SEZ6: variants seen among roughly 807,000 people sequenced by gnomAD.
The protein encoded by SEZ6 is seizure related 6 homolog, also known as seizure protein 6 homolog.
SEZ6 carries 53 observed loss-of-function variants against 101.0 expected under a neutral mutation model. That is an observed-to-expected ratio of 0.52 (90% CI 0.42 to 0.66). The LOEUF (loss-of-function observed/expected upper bound fraction) is 0.66, where lower values mean the gene tolerates loss of function less well. Among genes scored for constraint, SEZ6 ranks in the 30% least tolerant of loss-of-function variants. The pLI, the probability that SEZ6 is intolerant of heterozygous loss-of-function variation, is 0.00. For missense variants in SEZ6, 1,102 were observed against 1,289.4 expected (o/e 0.85, Z 2.23); for synonymous variants, 488 against 512.2 (o/e 0.95, Z 0.64).
chr17:28,975,091 C>T (rs976990375), intron 3 of SEZ6, among the ~76,000 whole-genome samples: 5 of 152,218 alleles, frequency 3.3e-5, no homozygotes, highest in African/African-American at 1.2e-4. Context: ...AGTCATCTTT[C>T]CATTTAATGG....
At position 29,005,477 on chromosome 17, in the gene SEZ6, C is replaced by T. The variant is rs2041675412; in HGVS notation, c.55+338G>A. ...GCCCCCCGGCACGCGCCCCAGCACC[C>T]TGAGATGCCTAGAGTGTGGCGAGGT... On this transcript the variant is annotated intron_variant, in intron 1 of 16. Coordinates refer to ENST00000317338, the MANE Select transcript of SEZ6 (RefSeq NM_178860.5). The surrounding 1 kb of genome is among the most constrained non-coding windows in gnomAD (Gnocchi z 4.8). Among the ~76,000 whole-genome samples, 1 of 152,210 alleles carries T rather than the reference C, an allele frequency of 6.6e-6. No homozygotes were observed. The highest frequency in any genetic ancestry group is 2.4e-5 in the African/African-American group (1 of 41,472).
At chr17:28,977,928 C>A (rs2041246308) in intron 3 of SEZ6, among the ~76,000 whole-genome samples, 1 of 152,134 alleles carries the variant, frequency 6.6e-6, no homozygotes, top group South Asian at 2.1e-4. Flanking sequence ...AATTACCCTC[C>A]CAGTCAGCCC....
intron 3 of SEZ6, among the ~76,000 whole-genome samples, chr17:28,974,054 C>T (rs1159050600): frequency 6.6e-6 from 1 of 152,194 alleles, no homozygotes; most frequent in African/African-American, 2.4e-5. Flanking sequence ...CAACCTCTAG[C>T]TCAACAGCCT....
At chr17:28,968,685 C>G (rs567496928) in intron 4 of SEZ6, among the ~76,000 whole-genome samples, 2 of 152,238 alleles carry the variant, frequency 1.3e-5, no homozygotes, top group South Asian at 4.1e-4. Context: ...GTGAGTGCTC[C>G]TTAGGTGGGG....
In SEZ6 at chr17:28,958,091, A is replaced by G. The variant is rs540459411; in HGVS notation, c.2158T>C (p.Trp720Arg). Reference sequence around the variant, plus strand: ...AGCTCAGGCTGCGATGGGCTCTTCCAGCCATTGGGGATCTCAGGCAGCTCC... The same window carrying G: ...AGCTCAGGCTGCGATGGGCTCTTCCGGCCATTGGGGATCTCAGGCAGCTCC... Reference protein sequence around the residue: ...CPELPEIPNGWKSPSQPELVH... With the variant: ...CPELPEIPNGRKSPSQPELVH... The change falls in exon 11 of 17, where the codon TGG (tryptophan) becomes CGG (arginine). Residue 720 changes from tryptophan (W) to arginine (R), a missense_variant. Physicochemically the swap from Trp to Arg is moderately radical, Grantham distance 101. Around this residue, in one of 3 missense-constraint regions of SEZ6, gnomAD observed 556 missense variants for 735.1 expected, o/e 0.76. Coordinates refer to ENST00000317338, the MANE Select transcript of SEZ6 (RefSeq NM_178860.5). 4 of 1,608,732 alleles carry G rather than the reference A, an allele frequency of 2.5e-6. No individual in the cohort carries two copies. In the East Asian group the frequency reaches 8.9e-5, roughly 36 times the overall value.
intron 1 of SEZ6, among the ~76,000 whole-genome samples, chr17:28,999,424 C>G (rs1435189364): frequency 6.6e-6 from 1 of 152,200 alleles, no homozygotes; most frequent in South Asian, 2.1e-4. Flanking sequence ...CACCCTACCC[C>G]CTCCCTTCCT....
chr17:28,959,553 A>G lies in SEZ6; in HGVS notation c.1772-81T>C. The G allele has an allele frequency of 1.3e-6, 2 of 1,566,376 alleles. No homozygotes were observed. Among genetic ancestry groups the G allele is most frequent in the Non-Finnish European group, 1.7e-6 (2 of 1,157,410 alleles). On this transcript the variant is annotated intron_variant, in intron 8 of 16. Transcript: ENST00000317338. This position sits in a 1 kb window ranked among gnomAD's most constrained non-coding sequence, Gnocchi z 4.4. ...ACCATCTGCCCGCAGGAGTGCCCACAAATTGCTGGGACCCCCCACCTCCTC... is the reference window on the plus strand; with the variant it reads ...ACCATCTGCCCGCAGGAGTGCCCACGAATTGCTGGGACCCCCCACCTCCTC...
At position 28,979,883 on chromosome 17, in the gene SEZ6, G is replaced by A. The variant is rs1244157748; in HGVS notation, c.725-70C>T. On this transcript the variant is annotated intron_variant, in intron 2 of 16. Coordinates refer to ENST00000317338, the MANE Select transcript of SEZ6 (RefSeq NM_178860.5). ...AGTGGTCCAACTAAGGCTGAACCGT[G>A]TGTGTGTGTGTGTGTGTGTGTGTGT... 9 of 403,970 alleles carry A rather than the reference G, an allele frequency of 2.2e-5. No homozygotes were observed. In the Admixed American group the frequency reaches 2.7e-4, roughly 12 times the overall value. The allele number at this position is 403,970 out of a possible 1,614,324, so 25.0% of individuals were successfully genotyped here. A position where few individuals can be genotyped will look rare whatever the true frequency, so the allele number is the denominator to read the frequency against.
chr17:28,979,155 T>A (rs532326592), intron 3 of SEZ6, among the ~76,000 whole-genome samples: 1 of 152,150 alleles, frequency 6.6e-6, no homozygotes, highest in African/African-American at 2.4e-5. Flanking sequence ...AAAGTCTTAA[T>A]CCTAACGGAG....
chr17:28,972,149 G>A (rs895366195), intron 3 of SEZ6, among the ~76,000 whole-genome samples: 3 of 152,332 alleles, frequency 2.0e-5, no homozygotes, highest in East Asian at 1.9e-4. Flanking sequence ...GGGCCGCATC[G>A]TCTGCCTCCC....
At position 28,959,182 on chromosome 17, in the gene SEZ6, A is replaced by G. The variant is rs1275584306; in HGVS notation, c.1950T>C (p.Asp650=). The G allele has an allele frequency of 1.9e-6, 3 of 1,613,622 alleles. No individual in the cohort carries two copies. Among genetic ancestry groups the G allele is most frequent in the Non-Finnish European group, 8.5e-7 (1 of 1,179,720 alleles). Residue 650 remains aspartate (D), a synonymous_variant, in exon 10 of 17, where the codon GAT becomes GAC. Transcript: ENST00000317338. This position sits in a 1 kb window ranked among gnomAD's most constrained non-coding sequence, Gnocchi z 4.4. Reference sequence around the variant, plus strand: ...GAACCCGGGCCGTCAGGTCATCCCCATCATAGAAGGTAAGCACATCACCAG... The same window carrying G: ...GAACCCGGGCCGTCAGGTCATCCCCGTCATAGAAGGTAAGCACATCACCAG... ...IGPGDVLTFY[D]GDDLTARVLG... is the part of the protein sequence containing the mutation.
intron 1 of SEZ6, among the ~76,000 whole-genome samples, chr17:28,996,281 T>C (rs937604782): frequency 6.6e-6 from 1 of 151,934 alleles, no homozygotes; most frequent in Non-Finnish European, 1.5e-5. Context: ...AGGGAGGTCA[T>C]CGTGGGACCT....
chr17:28,969,791 C>G lies in SEZ6; in HGVS notation c.1020G>C (p.Pro340=). 1 of 1,508,532 alleles carries G rather than the reference C, an allele frequency of 6.6e-7. No homozygotes were observed. The highest frequency in any genetic ancestry group is 8.8e-7 in the Non-Finnish European group (1 of 1,138,324). The allele number at this position is 1,508,532 out of a possible 1,614,324, so 93.4% of individuals were successfully genotyped here. ...GGAAATGGAAGGTGCCAGGGCCAGC[C>G]GGTGGCGGGAGGCTCTGGAACCTCA... ...AALRFQSLPP[P]AGPGTFHFHY... Residue 340 remains proline, a synonymous_variant, in exon 4 of 17, where the codon CCG becomes CCC. Coordinates refer to ENST00000317338, the MANE Select transcript of SEZ6 (RefSeq NM_178860.5).
intron 4 of SEZ6, among the ~76,000 whole-genome samples, chr17:28,968,155 TTCTC>T (rs1471149141): frequency 6.6e-6 from 1 of 152,202 alleles, no homozygotes; most frequent in South Asian, 2.1e-4. Context: ...GGCACCCTCT[TTCTC>T]TAGCCCACGG....
Position 28,993,276 on chromosome 17 carries a change from C to A in SEZ6, c.56-11237G>T, listed in dbSNP as rs77023376. ...CTGGAGGCGTTTCTGTCCATCAGCT[C>A]CTTCTGTCCATCTGCTAGCCCCAGG... On this transcript the variant is annotated intron_variant, in intron 1 of 16. Coordinates refer to ENST00000317338, the MANE Select transcript of SEZ6 (RefSeq NM_178860.5). Among the ~76,000 whole-genome samples the A allele has an allele frequency of 7.1e-4, 108 of 152,216 alleles. 1 individual carries two copies. The East Asian group carries it at 0.019, about 26-fold the overall frequency.
intron 3 of SEZ6, among the ~76,000 whole-genome samples, chr17:28,975,750 T>G (rs2041211954): frequency 6.6e-6 from 1 of 152,212 alleles, no homozygotes; most frequent in Non-Finnish European, 1.5e-5. Flanking sequence ...ATTCTGGCTA[T>G]CAAACTGTCA....
At chr17:28,963,645 TTA>T (rs2041020131) in intron 5 of SEZ6, among the ~76,000 whole-genome samples, 1 of 152,170 alleles carries the variant, frequency 6.6e-6, no homozygotes. Flanking sequence ...CCAGGTCACT[TTA>T]TGTCTTTTCA....
rs2040934481 is a variant in SEZ6, at chr17:28,959,271, G to A, written c.1911-50C>T. 1.9e-6 allele frequency: 3 copies of A among 1,613,204 alleles called. No individual in the cohort carries two copies. In the East Asian group the frequency reaches 6.7e-5, roughly 36 times the overall value. Reference sequence around the variant, plus strand: ...GAGCCGGCCTGGGGGCCCGAGGATGGGCTGGACAAGGGATATCCCCAGACC... The same window carrying A: ...GAGCCGGCCTGGGGGCCCGAGGATGAGCTGGACAAGGGATATCCCCAGACC... On this transcript the variant is annotated intron_variant, in intron 9 of 16. Transcript: ENST00000317338. The surrounding 1 kb of genome is among the most constrained non-coding windows in gnomAD (Gnocchi z 4.4).
rs775910579 is a variant in SEZ6 at position 28,956,262 on chromosome 17, C to A, written c.2850-1G>T. The A allele has an allele frequency of 6.3e-7, 1 of 1,593,008 alleles. No individual in the cohort carries two copies. The highest frequency in any genetic ancestry group is 8.5e-7 in the Non-Finnish European group (1 of 1,170,332). ...CTGCAGGGAGCTTTTTCCCTGGAGC[C>A]TGTGGGGCAGAGAAGCCTGCAAGTC... is the stretch of plus-strand genomic sequence containing the variant. On this transcript the variant is annotated splice_acceptor_variant, in intron 15 of 16. Coordinates refer to ENST00000317338, the MANE Select transcript of SEZ6 (RefSeq NM_178860.5). LOFTEE classifies it high-confidence loss of function.
Sources: allele counts gnomAD v4.1 joint callset (sites outside exome capture counted in the v4.1 genomes callset), GRCh38; gene constraint gnomAD v4.1.1; regional missense constraint gnomAD v4.1.1; non-coding constraint Gnocchi (gnomAD v3.1); transcripts MANE v1.5; gene names NCBI Gene and HGNC (gene_info 2026-07-23, HGNC 2026-07-21).